Variants in KCNMA1 observed in about 807,000 individuals in gnomAD.
KCNMA1 encodes Calcium-activated potassium channel subunit alpha-1.
Under a neutral mutation model 140.0 loss-of-function variants are expected in KCNMA1, and 29 were observed. That is an observed-to-expected ratio of 0.21 (90% CI 0.15 to 0.28). The LOEUF (loss-of-function observed/expected upper bound fraction) is 0.28, where lower values mean the gene tolerates loss of function less well. Among genes scored for constraint, KCNMA1 ranks in the 10% least tolerant of loss-of-function variants. The pLI is 1.00. For synonymous variants in KCNMA1, 612 were observed against 611.9 expected, an observed-to-expected ratio of 1.00 and a Z score of 0.00; for missense variants, 880 against 1,602.2, an observed-to-expected ratio of 0.55 and a Z score of 7.70.
rs1054130059 is a variant in KCNMA1 at position 77,203,168 on chromosome 10, T to C, written c.603-18252A>G. ...AGCTCAATCCGGGAACAAATGAATT[T>C]TTCAAAGCATTCCCCAAAGAACTGG... On this transcript the variant is annotated intron_variant, in intron 3 of 27. Coordinates refer to ENST00000286628, the MANE Select transcript of KCNMA1 (RefSeq NM_001161352.2). Among the ~76,000 whole-genome samples the C allele has an allele frequency of 2.6e-5, 4 of 152,188 alleles. No homozygotes were observed. In the East Asian group the frequency reaches 7.7e-4, roughly 29 times the overall value.
intron 1 of KCNMA1, among the ~76,000 whole-genome samples, chr10:77,489,344 A>AT (rs563271186): frequency 7.9e-5 from 12 of 151,306 alleles, no homozygotes; most frequent in Non-Finnish European, 7.4e-5. Flanking sequence ...TTATTTATTT[A>AT]TTTTTTTTGA....
intron 1 of KCNMA1, chr10:77,634,404 G>C (rs2093527675): frequency 1.0e-6 from 1 of 985,328 alleles, no homozygotes; most frequent in Non-Finnish European, 1.2e-6. Flanking sequence ...TTGAGATTCA[G>C]AGGCCAAAGG....
intron 1 of KCNMA1, among the ~76,000 whole-genome samples, chr10:77,611,194 G>A (rs2086726355): frequency 6.6e-6 from 1 of 152,236 alleles, no homozygotes; most frequent in Non-Finnish European, 1.5e-5. Flanking sequence ...ATAAGGTTCT[G>A]AGGATACTGA....
rs2037075334 is a variant in KCNMA1, at chr10:76,886,616, T to C, written c.*650A>G. On this transcript the variant is annotated 3_prime_UTR_variant, in exon 28 of 28. Coordinates refer to ENST00000286628, the MANE Select transcript of KCNMA1 (RefSeq NM_001161352.2). ...AAGAACTCCCAGAGGGAACTGGCTC[T>C]GGGACAAAAGGCCTTGGTGAGTAAC... 2 of 989,874 alleles carry C rather than the reference T, an allele frequency of 2.0e-6. No homozygotes were observed. The highest frequency in any genetic ancestry group is 2.4e-6 in the Non-Finnish European group (2 of 832,802). The allele number at this position is 989,874 out of a possible 1,614,324, so 61.3% of individuals were successfully genotyped here. A position where few individuals can be genotyped will look rare whatever the true frequency, so the allele number is the denominator to read the frequency against.
intron 3 of KCNMA1, among the ~76,000 whole-genome samples, chr10:77,186,776 A>AGTGTGTGTGT (rs1565084288): frequency 1.1e-5 from 1 of 89,952 alleles, no homozygotes; most frequent in African/African-American, 4.7e-5. Context: ...CTAAAGAGTA[A>AGTGTGTGTGT]ATGTGTGTGT....
At chr10:77,636,556 T>A (rs1051863990) in intron 1 of KCNMA1, 55 of 1,536,046 alleles carry the variant, frequency 3.6e-5, no homozygotes, top group Non-Finnish European at 4.6e-5. Context: ...TTGGGGTATG[T>A]TCCACTAGAG....
At chr10:77,047,057 T>C (rs2095097316) in intron 14 of KCNMA1, among the ~76,000 whole-genome samples, 1 of 152,196 alleles carries the variant, frequency 6.6e-6, no homozygotes, top group South Asian at 2.1e-4. Flanking sequence ...AGGGACTCCA[T>C]AACAATTTGG....
At chr10:77,412,176 C>G (rs942628107) in intron 1 of KCNMA1, among the ~76,000 whole-genome samples, 5 of 152,188 alleles carry the variant, frequency 3.3e-5, no homozygotes, top group Non-Finnish European at 5.9e-5. Context: ...CACCCTGGAA[C>G]CATGGGATAG....
chr10:77,593,602 C>T (rs534048260), intron 1 of KCNMA1, among the ~76,000 whole-genome samples: 1 of 152,272 alleles, frequency 6.6e-6, no homozygotes, highest in Admixed American at 6.5e-5. Context: ...TACACATTAT[C>T]TTGTGTGATC....
intron 23 of KCNMA1, among the ~76,000 whole-genome samples, chr10:76,933,763 C>A (rs1045527401): frequency 6.6e-6 from 1 of 152,086 alleles, no homozygotes; most frequent in Admixed American, 6.6e-5. Flanking sequence ...AGATCTGTAA[C>A]AAGATGCTCA....
At chr10:77,615,277 TCACCAGATGGGTC>T (rs2088986819) in intron 1 of KCNMA1, among the ~76,000 whole-genome samples, 1 of 152,200 alleles carries the variant, frequency 6.6e-6, no homozygotes, top group Non-Finnish European at 1.5e-5. Context: ...AGCCCCAGGA[TCACCAGATGGGTC>T]CACCAGGTCC....
chr10:77,002,328 A>C (rs766802044), intron 18 of KCNMA1, among the ~76,000 whole-genome samples: 1 of 152,182 alleles, frequency 6.6e-6, no homozygotes, highest in Non-Finnish European at 1.5e-5. Flanking sequence ...AGCATATGAG[A>C]TGTTGCTCTA....
At chr10:77,398,864 A>G (rs1163057055) in intron 2 of KCNMA1, among the ~76,000 whole-genome samples, 2 of 152,210 alleles carry the variant, frequency 1.3e-5, no homozygotes, top group South Asian at 2.1e-4. Context: ...AACCTACACC[A>G]TACGTTTCTT....
chr10:76,963,208 G>T (rs1025869197), intron 20 of KCNMA1, among the ~76,000 whole-genome samples: 1 of 152,154 alleles, frequency 6.6e-6, no homozygotes, highest in African/African-American at 2.4e-5. Flanking sequence ...ATCACTTCAA[G>T]CTCCTCTCAC....
At chr10:76,974,712 T>A (rs1592467247) in intron 19 of KCNMA1, 1 of 634,362 alleles carries the variant, frequency 1.6e-6, no homozygotes. Flanking sequence ...TTGCCATTTT[T>A]TTCCCTTTCT....
intron 2 of KCNMA1, among the ~76,000 whole-genome samples, chr10:77,373,250 T>A (rs973164105): frequency 3.9e-5 from 6 of 152,188 alleles, no homozygotes; most frequent in African/African-American, 1.4e-4. Flanking sequence ...TAGATTTGTA[T>A]GAGTCACAAT....
At chr10:77,277,301 C>A (rs1189738367) in intron 2 of KCNMA1, among the ~76,000 whole-genome samples, 1 of 152,108 alleles carries the variant, frequency 6.6e-6, no homozygotes, top group Admixed American at 6.5e-5. Flanking sequence ...CAGACTTGGC[C>A]CCTTACCATA....
intron 5 of KCNMA1, among the ~76,000 whole-genome samples, chr10:77,129,659 C>T (rs2616646): frequency 0.87 from 132,250 of 152,050 alleles, 57,519 homozygotes; most frequent in East Asian, 0.92. Context: ...TTTTTTAGTT[C>T]AGTGTTTATG....
At chr10:77,393,883 C>G (rs989524217) in intron 2 of KCNMA1, among the ~76,000 whole-genome samples, 2 of 152,248 alleles carry the variant, frequency 1.3e-5, no homozygotes, top group Non-Finnish European at 2.9e-5. Context: ...CGGACAGAGA[C>G]AAGACAGGAC....
Sources: allele counts gnomAD v4.1 joint callset (sites outside exome capture counted in the v4.1 genomes callset), GRCh38; gene constraint gnomAD v4.1.1; transcripts MANE v1.5; gene names NCBI Gene and HGNC (gene_info 2026-07-23, HGNC 2026-07-21).